Variants in TEKT3 observed in about 807,000 individuals in gnomAD.
TEKT3 encodes the protein tektin-3.
Under a neutral mutation model 49.8 loss-of-function variants are expected in TEKT3, and 49 were observed. The observed-to-expected ratio is 0.98, with a 90% CI of 0.78 to 1.25. TEKT3 has a LOEUF of 1.25. Ranked by LOEUF, TEKT3 falls within the 50% of genes most tolerant of loss-of-function variation. The probability of loss-of-function intolerance (pLI) is 0.00; values close to 1 mark genes in which losing one functional copy is unlikely to be tolerated. For synonymous variants in TEKT3, 225 were observed against 237.2 expected (o/e 0.95, Z 0.47); for missense variants, 595 against 629.5 (o/e 0.95, Z 0.59).
intron 2 of TEKT3, among the ~76,000 whole-genome samples, chr17:15,335,768 A>G (rs1911953629): frequency 6.6e-6 from 1 of 152,226 alleles, no homozygotes; most frequent in Non-Finnish European, 1.5e-5. Flanking sequence ...AGTATTTGAT[A>G]CAAGGACATT....
intron 2 of TEKT3, among the ~76,000 whole-genome samples, chr17:15,333,373 A>G (rs1911853429): frequency 6.6e-6 from 1 of 152,216 alleles, no homozygotes; most frequent in Non-Finnish European, 1.5e-5. Flanking sequence ...GTTCAAGTCA[A>G]AATCCACACA....
In TEKT3 at chr17:15,316,215, G is replaced by A. The variant is rs549199612; in HGVS notation, c.735-1985C>T. On this transcript the variant is annotated intron_variant, in intron 5 of 8. Coordinates refer to ENST00000395930, the MANE Select transcript of TEKT3 (RefSeq NM_031898.3). ...TTCTCCTTTGGTCTGGGACCAAGAT[G>A]TCCCACAAGCTTCCTGTCTTAAGCT... Among the ~76,000 whole-genome samples, 3 of 152,334 alleles carry A rather than the reference G, an allele frequency of 2.0e-5. No homozygotes were observed. In the South Asian group the frequency reaches 6.2e-4, roughly 32 times the overall value.
intron 8 of TEKT3, among the ~76,000 whole-genome samples, chr17:15,306,618 T>C (rs1910562594): frequency 6.6e-6 from 1 of 151,638 alleles, no homozygotes; most frequent in Non-Finnish European, 1.5e-5. Context: ...GAATGCCTCA[T>C]TGTTTGATAA....
In TEKT3 at chr17:15,331,250, A is replaced by C. The variant is rs766766465; in HGVS notation, c.336T>G (p.Thr112=). ...SNLTNYQESN[T]SRHNSEKLRV... ...TTAGTTTCTCCGAATTATGTCGGGA[A>C]GTGTTGGACTCTTGATAGTTGGTTA... Residue 112 remains threonine (T), a synonymous_variant, in exon 3 of 9, where the codon ACT becomes ACG. Transcript: ENST00000395930. 1.2e-5 allele frequency: 19 copies of C among 1,614,058 alleles called. No homozygotes were observed. Among genetic ancestry groups the C allele is most frequent in the African/African-American group, 2.7e-5 (2 of 74,918 alleles).
chr17:15,331,664 G>T (rs911570797), intron 2 of TEKT3, 50 bp from the exon 3 acceptor site: 143 of 1,381,146 alleles, frequency 1.0e-4, no homozygotes, highest in Non-Finnish European at 1.4e-4. Flanking sequence ...AATAATCTCT[G>T]GTGAAACATA....
chr17:15,332,192 A>AAAAT (rs992788557), intron 2 of TEKT3, among the ~76,000 whole-genome samples: 8 of 152,120 alleles, frequency 5.3e-5, no homozygotes, highest in African/African-American at 9.7e-5. Context: ...CTCCGTCTAA[A>AAAAT]AAATAAATAA....
chr17:15,327,530 A>G (rs1025821673), intron 4 of TEKT3, among the ~76,000 whole-genome samples: 1 of 151,912 alleles, frequency 6.6e-6, no homozygotes, highest in Non-Finnish European at 1.5e-5. Flanking sequence ...AAAAAAAAAA[A>G]GTATCTAATG....
chr17:15,322,901 G>A (rs1911327506), intron 4 of TEKT3, among the ~76,000 whole-genome samples: 1 of 152,312 alleles, frequency 6.6e-6, no homozygotes, highest in East Asian at 1.9e-4. Context: ...TGAGTATAGT[G>A]AGCAGAGGCA....
At chr17:15,316,092 C>T (rs895723991) in intron 5 of TEKT3, among the ~76,000 whole-genome samples, 2 of 152,110 alleles carry the variant, frequency 1.3e-5, no homozygotes, top group Admixed American at 6.5e-5. Flanking sequence ...TATACATGTG[C>T]GAAGGATGAA....
At chr17:15,342,606 T>C (rs1207905396), upstream of TEKT3, among the ~76,000 whole-genome samples, 1 of 152,198 alleles carries the variant, frequency 6.6e-6, no homozygotes, top group Non-Finnish European at 1.5e-5. Flanking sequence ...CTCTTGGTTA[T>C]GCCAGTGTCC....
At chr17:15,312,700 G>C (rs567150125) in intron 6 of TEKT3, among the ~76,000 whole-genome samples, 4 of 152,310 alleles carry the variant, frequency 2.6e-5, no homozygotes, top group African/African-American at 9.6e-5. Context: ...GCGTAAGCTG[G>C]TTCTTCTGCC....
chr17:15,328,206 T>A, intron 3 of TEKT3, 131 bp from the exon 4 acceptor site: 1 of 721,730 alleles, frequency 1.4e-6, no homozygotes, highest in Non-Finnish European at 2.4e-6. Flanking sequence ...TTTGTGAAAA[T>A]CTAGCCTGAA....
chr17:15,321,420 A>C (rs1033783428), intron 4 of TEKT3, among the ~76,000 whole-genome samples: 2 of 152,218 alleles, frequency 1.3e-5, no homozygotes, highest in Non-Finnish European at 2.9e-5. Context: ...GGCCTCTGGC[A>C]CTGTCCCCAG....
At chr17:15,318,536 A>T (rs1188187253) in intron 5 of TEKT3, among the ~76,000 whole-genome samples, 2 of 152,068 alleles carry the variant, frequency 1.3e-5, no homozygotes, top group African/African-American at 2.4e-5. Flanking sequence ...CTTATTTTTT[A>T]AAAATATATT....
At chr17:15,312,749 G>A (rs569375934) in intron 6 of TEKT3, among the ~76,000 whole-genome samples, 5 of 152,274 alleles carry the variant, frequency 3.3e-5, no homozygotes, top group Non-Finnish European at 7.3e-5. Context: ...TGATGTGAAC[G>A]TGTAGGTTCA....
At chr17:15,309,378 T>C (rs778947458) in intron 7 of TEKT3, among the ~76,000 whole-genome samples, 8 of 152,208 alleles carry the variant, frequency 5.3e-5, no homozygotes, top group Non-Finnish European at 8.8e-5. Context: ...AGAGGAGTAC[T>C]GGCAGTTTTG....
In TEKT3 at chr17:15,335,522, T is replaced by C. The variant is rs575875516; in HGVS notation, c.-29-3908A>G. Among the ~76,000 whole-genome samples, 4 of 152,280 alleles carry C rather than the reference T, an allele frequency of 2.6e-5. No individual in the cohort carries two copies. The South Asian group carries it at 8.3e-4, about 32-fold the overall frequency. On this transcript the variant is annotated intron_variant, in intron 2 of 8. Transcript: ENST00000395930. ...TGAACTATACCTGGAGTGAAGGTAA[T>C]GAAGACTCACTCTAGCAAAGCTTGA...
chr17:15,338,199 A>G (rs1912066159), intron 2 of TEKT3, among the ~76,000 whole-genome samples: 1 of 152,228 alleles, frequency 6.6e-6, no homozygotes, highest in Non-Finnish European at 1.5e-5. Context: ...CAATATTACT[A>G]ACAACTTTAT....
chr17:15,312,146 G>A, intron 7 of TEKT3, 113 bp downstream of exon 7: 1 of 977,730 alleles, frequency 1.0e-6, no homozygotes, highest in Middle Eastern at 2.2e-4. Context: ...GCTCTGTGTG[G>A]CCAGGCTGTC....
Sources: gnomAD v4.1 joint callset for allele counts (sites outside exome capture counted in the v4.1 genomes callset) on GRCh38, gnomAD v4.1.1 for gene constraint, MANE v1.5 for transcripts, NCBI Gene and HGNC (gene_info 2026-07-23, HGNC 2026-07-21) for gene names.